MUSTN1: variants seen among roughly 807,000 people sequenced by gnomAD.
MUSTN1 encodes the protein musculoskeletal, embryonic nuclear protein 1.
Under a neutral mutation model 11.8 loss-of-function variants are expected in MUSTN1, and 14 were observed. The ratio of observed to expected loss-of-function variants is 1.18; its 90% CI spans 0.78 to 1.85. The LOEUF (loss-of-function observed/expected upper bound fraction) is 1.85, where lower values mean the gene tolerates loss of function less well. Ranked by LOEUF, MUSTN1 falls within the 40% of genes most tolerant of loss-of-function variation. The pLI is 0.00. For synonymous variants in MUSTN1, 42 were observed against 43.3 expected (o/e 0.97, Z 0.12); for missense variants, 111 against 108.8 (o/e 1.02, Z -0.09).
chr3:52,834,890 C>T, intron 1 of MUSTN1, 50 bp downstream of exon 1: 2 of 1,608,348 alleles, frequency 1.2e-6, no homozygotes, highest in Middle Eastern at 1.7e-4. Context: ...GTCCAGGACT[C>T]CACCTCCACT....
rs71087024 is a variant in MUSTN1 at position 52,834,654 on chromosome 3, G to GCACACA, written c.9+280_9+285dup. On this transcript the variant is annotated intron_variant, in intron 1 of 2. Coordinates refer to ENST00000446157, the MANE Select transcript of MUSTN1 (RefSeq NM_205853.4). ...ATATCGGCAGCACACACACAGATGCGCACACACACACACACACACACAGGC... is the reference window on the plus strand; with the variant it reads ...ATATCGGCAGCACACACACAGATGCGCACACACACACACACACACACACACACAGGC... The GCACACA allele has an allele frequency of 6.0e-3, 3,492 of 585,030 alleles. 72 individuals are homozygous for GCACACA. Among genetic ancestry groups the GCACACA allele is most frequent in the African/African-American group, 0.058 (3,052 of 52,460 alleles). The allele number at this position is 585,030 out of a possible 1,614,324, so 36.2% of individuals were successfully genotyped here.
Position 52,833,187 on chromosome 3 carries a change from G to A in MUSTN1, c.*137C>T, listed in dbSNP as rs1559484875. 4.6e-6 allele frequency: 6 copies of A among 1,306,876 alleles called. No individual in the cohort carries two copies. The allele number at this position is 1,306,876 out of a possible 1,614,324, so 81.0% of individuals were successfully genotyped here. ...AGGTGCTGGTGCAGAGCCCTTGGCT[G>A]AAGGGCCTGGACTGTGGGGGAGGGT... On this transcript the variant is annotated 3_prime_UTR_variant, in exon 3 of 3. Transcript: ENST00000446157.
chr3:52,834,991 T>G lies in MUSTN1; in HGVS notation c.-43A>C. 2 of 1,612,568 alleles carry G rather than the reference T, an allele frequency of 1.2e-6. No homozygotes were observed. The highest frequency in any genetic ancestry group is 1.7e-6 in the Non-Finnish European group (2 of 1,179,436). Reference sequence around the variant, plus strand: ...CGCTGGGTCTCTGAAGGCGCCTCTCTGGCAGGCAGCAGCTGCTGGAAAAGA... The same window carrying G: ...CGCTGGGTCTCTGAAGGCGCCTCTCGGGCAGGCAGCAGCTGCTGGAAAAGA... On this transcript the variant is annotated 5_prime_UTR_variant, in exon 1 of 3. Transcript: ENST00000446157.
intron 1 of MUSTN1, 142 bp from the exon 2 acceptor site, chr3:52,833,891 C>T: frequency 7.2e-7 from 1 of 1,384,222 alleles, no homozygotes; most frequent in Non-Finnish European, 9.6e-7. Flanking sequence ...CAGAGAAAGC[C>T]TTCCCAACTA....
intron 1 of MUSTN1, 183 bp downstream of exon 1, chr3:52,834,757 C>T: frequency 1.3e-6 from 1 of 761,386 alleles, no homozygotes; most frequent in Non-Finnish European, 2.3e-6. Context: ...GGAATACCAC[C>T]AAAGCCACAT....
chr3:52,833,712 G>T lies in MUSTN1; in HGVS notation c.47C>A (p.Pro16His). The change falls in exon 2 of 3, where the codon CCC (proline) becomes CAC (histidine). Residue 16 changes from proline to histidine, a missense_variant. Pro to His is a moderately conservative substitution (Grantham distance 77). Transcript: ENST00000446157. ...CTTCAGGTCCTCGTCCTTCACAGGG[G>T]GGCGCTTCTTCTTGATAGGGGCTTC... ...AQEAPIKKKR[P>H]PVKDEDLKGA... 6.3e-7 allele frequency: 1 copy of T among 1,589,298 alleles called. No individual in the cohort carries two copies. Among genetic ancestry groups the T allele is most frequent in the Non-Finnish European group, 8.6e-7 (1 of 1,167,842 alleles).
rs961915500 is a variant in MUSTN1, at chr3:52,834,613, C to T, written c.9+327G>A. ...GGCCCATAGCTACAAATGCACAAAGCTCTACACACTGAGCTATATCGGCAG... is the reference window on the plus strand; with the variant it reads ...GGCCCATAGCTACAAATGCACAAAGTTCTACACACTGAGCTATATCGGCAG... On this transcript the variant is annotated intron_variant, in intron 1 of 2. Coordinates refer to ENST00000446157, the MANE Select transcript of MUSTN1 (RefSeq NM_205853.4). 5.8e-5 allele frequency: 33 copies of T among 568,800 alleles called. 1 individual carries two copies. The highest frequency in any genetic ancestry group is 5.1e-4 in the African/African-American group (27 of 52,474). The allele number at this position is 568,800 out of a possible 1,614,324, so 35.2% of individuals were successfully genotyped here.
chr3:52,833,388 C>A lies in MUSTN1; in HGVS notation c.185G>T (p.Arg62Leu), dbSNP rs201964269. The A allele has an allele frequency of 1.9e-6, 3 of 1,613,674 alleles. No individual in the cohort carries two copies. Among genetic ancestry groups the A allele is most frequent in the Non-Finnish European group, 1.7e-6 (2 of 1,179,814 alleles). Residue 62 changes from arginine to leucine, a missense_variant, in exon 3 of 3, where the codon CGC (arginine) becomes CTC (leucine). Transcript: ENST00000446157. ...CTCAAAGACAGTCTCGGTACCTGTG[C>A]GGGTGCGGCTGAACACCGACGGGGC... is the stretch of plus-strand genomic sequence containing the variant. Reference protein sequence around the residue: ...SAAPSVFSRTRTGTETVFEKP... With the variant: ...SAAPSVFSRTLTGTETVFEKP...
rs998480316 is a variant in MUSTN1 at position 52,833,124 on chromosome 3, C to G, written c.*200G>C. ...GGGACCAACCAACACCTTCTGATTG[C>G]TGGGGCCACGTGGGCATCCTCTTTA... On this transcript the variant is annotated 3_prime_UTR_variant, in exon 3 of 3. Transcript: ENST00000446157. 7 of 787,264 alleles carry G rather than the reference C, an allele frequency of 8.9e-6. No homozygotes were observed. The African/African-American group carries it at 1.2e-4, about 13-fold the overall frequency. The allele number at this position is 787,264 out of a possible 1,614,324, so 48.8% of individuals were successfully genotyped here.
chr3:52,834,791 C>A, intron 1 of MUSTN1, 149 bp downstream of exon 1: 1 of 911,756 alleles, frequency 1.1e-6, no homozygotes, highest in Non-Finnish European at 1.7e-6. Flanking sequence ...TTCAGGGGGT[C>A]CTCCCTGAGC....
intron 1 of MUSTN1, among the ~76,000 whole-genome samples, chr3:52,834,301 G>T (rs2106637459): frequency 6.6e-6 from 1 of 152,216 alleles, no homozygotes; most frequent in East Asian, 1.9e-4. Context: ...TTGGCAGGCT[G>T]GTCTGTCCCT....
At chr3:52,834,664 A>ACACACG (rs2106637623) in intron 1 of MUSTN1, 1 of 610,180 alleles carries the variant, frequency 1.6e-6, no homozygotes. Context: ...GCACACACAC[A>ACACACG]CACACACACA....
chr3:52,833,436 G>A lies in MUSTN1; in HGVS notation c.143-6C>T. 1 of 1,610,484 alleles carries A rather than the reference G, an allele frequency of 6.2e-7. No homozygotes were observed. The highest frequency in any genetic ancestry group is 8.5e-7 in the Non-Finnish European group (1 of 1,177,324). ...GGCGGCCGAGCCAGCTTGCTCTGTG[G>A]GAGGAGGTAAAGTCAGGGGCCAGCC... On this transcript the variant is annotated splice_region_variant and splice_polypyrimidine_tract_variant and intron_variant, in intron 2 of 2. Transcript: ENST00000446157.
At position 52,833,625 on chromosome 3, in the gene MUSTN1, C is replaced by T. The variant is rs199949354; in HGVS notation, c.134G>A (p.Arg45Gln). The change falls in exon 2 of 3, where the codon CGA becomes CAA. Residue 45 changes from arginine to glutamine, a missense_variant. Coordinates refer to ENST00000446157, the MANE Select transcript of MUSTN1 (RefSeq NM_205853.4). ...EIKSKTYQVM[R>Q]ECEQAGSAAP... is the part of the protein sequence containing the mutation. ...GGCATGAGGACACTCACCACACTCT[C>T]GCATGACCTGGTAGGTCTTGGACTT... is the stretch of plus-strand genomic sequence containing the variant. The T allele has an allele frequency of 6.2e-6, 10 of 1,610,788 alleles. No individual in the cohort carries two copies. Among genetic ancestry groups the T allele is most frequent in the South Asian group, 1.1e-5 (1 of 90,210 alleles).
Position 52,833,631 on chromosome 3 carries a change from A to T in MUSTN1, c.128T>A (p.Val43Asp). The T allele has an allele frequency of 6.2e-7, 1 of 1,610,356 alleles. No homozygotes were observed. The highest frequency in any genetic ancestry group is 8.5e-7 in the Non-Finnish European group (1 of 1,178,448). The stretch of plus-strand genomic sequence containing the variant: ...AGGACACTCACCACACTCTCGCATG[A>T]CCTGGTAGGTCTTGGACTTGATTTC... ...NQEIKSKTYQ[V>D]MRECEQAGSA... Residue 43 changes from valine to aspartate, a missense_variant, in exon 2 of 3, where the codon GTC (valine) becomes GAC (aspartate). Physicochemically the swap from Val to Asp is radical, Grantham distance 152 (BLOSUM62 -3). Transcript: ENST00000446157.
chr3:52,834,193 T>TG (rs972860513), intron 1 of MUSTN1, among the ~76,000 whole-genome samples: 10 of 152,216 alleles, frequency 6.6e-5, no homozygotes, highest in Admixed American at 6.5e-4. Context: ...TTTGTGTCTT[T>TG]GGGGCTGGAA....
chr3:52,834,789 G>T, intron 1 of MUSTN1, 151 bp downstream of exon 1: 1 of 899,466 alleles, frequency 1.1e-6, no homozygotes, highest in Non-Finnish European at 1.8e-6. Context: ...TCTTCAGGGG[G>T]TCCTCCCTGA....
At position 52,833,752 on chromosome 3, in the gene MUSTN1, T is replaced by C; in HGVS notation, c.10-3A>G. 1 of 1,576,644 alleles carries C rather than the reference T, an allele frequency of 6.3e-7. No individual in the cohort carries two copies. On this transcript the variant is annotated splice_region_variant and splice_polypyrimidine_tract_variant and intron_variant, in intron 1 of 2. Transcript: ENST00000446157. ...ATAGGGGCTTCCTGAGCACCAGCCT[T>C]GGAGATCCAAGAGCCTCATCTTACT...
At chr3:52,834,912 C>T (rs1471564692) in intron 1 of MUSTN1, 28 bp downstream of exon 1, 2 of 1,612,684 alleles carry the variant, frequency 1.2e-6, no homozygotes, top group East Asian at 4.5e-5. Context: ...CCTCTGGCAT[C>T]AACACAGCCC....
Sources: gnomAD v4.1 joint callset for allele counts (sites outside exome capture counted in the v4.1 genomes callset) on GRCh38, gnomAD v4.1.1 for gene constraint, MANE v1.5 for transcripts, NCBI Gene and HGNC (gene_info 2026-07-23, HGNC 2026-07-21) for gene names.